Variants in RAB11A observed in about 807,000 individuals in gnomAD.
The protein encoded by RAB11A is ras-related protein Rab-11A.
A neutral mutation model predicts 28.0 loss-of-function variants in RAB11A; 9 were observed. The observed-to-expected ratio is 0.32, with a 90% confidence interval of 0.19 to 0.56. The LOEUF is 0.56. Ranked by LOEUF, RAB11A falls within the 20% of genes least tolerant of loss-of-function variation. The probability of loss-of-function intolerance (pLI) is 0.91; values close to 1 mark genes in which losing one functional copy is unlikely to be tolerated. For missense variants in RAB11A, 108 were observed against 269.6 expected (o/e 0.40, Z 4.20); for synonymous variants, 85 against 88.2 (o/e 0.96, Z 0.20).
rs1478817063 is a variant in RAB11A at position 65,879,748 on chromosome 15, A to G, written c.508A>G (p.Thr170Ala). ...NVEAAFQTIL[T>A]EIYRIVSQKQ... The stretch of plus-strand genomic sequence containing the variant: ...AGAAGCTGCTTTTCAGACAATTTTA[A>G]CAGGTAAGACTTGTATTTTCAGATT... The change falls in exon 4 of 5, where the codon ACA becomes GCA. Residue 170 changes from threonine (T) to alanine (A), a missense_variant. By Grantham distance (58) the Thr-to-Ala change is moderately conservative. Transcript: ENST00000261890. 3 of 1,562,628 alleles carry G rather than the reference A, an allele frequency of 1.9e-6. No individual in the cohort carries two copies. The highest frequency in any genetic ancestry group is 2.6e-6 in the Non-Finnish European group (3 of 1,134,344).
chr15:65,876,539 C>T (rs1373489302), intron 1 of RAB11A, among the ~76,000 whole-genome samples: 2 of 152,114 alleles, frequency 1.3e-5, no homozygotes, highest in East Asian at 1.9e-4. Context: ...TCAAGCAATC[C>T]GCCCACCTTG....
chr15:65,869,542 C>T lies in RAB11A; in HGVS notation c.-44C>T, dbSNP rs369891471. On this transcript the variant is annotated 5_prime_UTR_variant, in exon 1 of 5. Transcript: ENST00000261890. The stretch of plus-strand genomic sequence containing the variant: ...CCTGCAGCGACGCCCCCTGGTCCCA[C>T]AGATACCACTGCTGCTCCCGCCCTT... 10 of 1,603,362 alleles carry T rather than the reference C, an allele frequency of 6.2e-6. No homozygotes were observed. Among genetic ancestry groups the T allele is most frequent in the South Asian group, 2.2e-5 (2 of 90,540 alleles).
At chr15:65,885,693 C>T (rs2078252014) in intron 4 of RAB11A, among the ~76,000 whole-genome samples, 1 of 152,162 alleles carries the variant, frequency 6.6e-6, no homozygotes. Context: ...ATTTAGATTT[C>T]TCTTGTAGGA....
chr15:65,885,362 G>A lies in RAB11A; in HGVS notation c.512-2339G>A, dbSNP rs1223887582. On this transcript the variant is annotated intron_variant, in intron 4 of 4. Coordinates refer to ENST00000261890, the MANE Select transcript of RAB11A (RefSeq NM_004663.5). ...AAGATGGTCTTGATCTCCTGACCTC[G>A]TGATCCGCCCGCCTTGGACTCCTAA... Among the ~76,000 whole-genome samples the A allele has an allele frequency of 4.0e-5, 6 of 151,868 alleles. No homozygotes were observed. In the South Asian group the frequency reaches 6.2e-4, roughly 16 times the overall value.
rs2078270554 is a variant in RAB11A, at chr15:65,889,048, C to G, written c.*1208C>G. On this transcript the variant is annotated 3_prime_UTR_variant, in exon 5 of 5. Coordinates refer to ENST00000261890, the MANE Select transcript of RAB11A (RefSeq NM_004663.5). ...TCAATGAAGCAATTAGTTTCTCATT[C>G]AGAAATGTGCACACTAATATTTAGT... 1 of 152,638 alleles carries G rather than the reference C, an allele frequency of 6.6e-6. No homozygotes were observed. Among genetic ancestry groups the G allele is most frequent in the Non-Finnish European group, 1.5e-5 (1 of 68,032 alleles). 9.5% of individuals were successfully genotyped at this position (152,638 alleles called of 1,614,324 possible). A position where few individuals can be genotyped will look rare whatever the true frequency, so the allele number is the denominator to read the frequency against.
chr15:65,877,444 A>AAGCATAG lies in RAB11A; in HGVS notation c.158_159insAGAGCAT (p.Gln54GlufsTer5), dbSNP rs1280171147. ...CCATTGGAGTAGAGTTTGCAACAAGAAGCATCCAGGTTGATGGAAAAACAA... is the reference window on the plus strand; with the variant it reads ...CCATTGGAGTAGAGTTTGCAACAAGAAGCATAGAGCATCCAGGTTGATGGAAAAACAA... On this transcript the variant is annotated frameshift_variant, in exon 2 of 5. Transcript: ENST00000261890. LOFTEE classifies it high-confidence loss of function. This position sits in a 1 kb window ranked among gnomAD's most constrained non-coding sequence, Gnocchi z 4.1. The AAGCATAG allele has an allele frequency of 6.2e-7, 1 of 1,614,150 alleles. No individual in the cohort carries two copies. The highest frequency in any genetic ancestry group is 1.7e-5 in the Admixed American group (1 of 60,020).
At chr15:65,875,816 A>G (rs1339209804) in intron 1 of RAB11A, among the ~76,000 whole-genome samples, 3 of 152,214 alleles carry the variant, frequency 2.0e-5, no homozygotes, top group South Asian at 2.1e-4. Flanking sequence ...AGTTTTTACC[A>G]TTCTTTCCAC....
At chr15:65,887,093 T>G (rs537575356) in intron 4 of RAB11A, among the ~76,000 whole-genome samples, 6 of 152,308 alleles carry the variant, frequency 3.9e-5, no homozygotes, top group Admixed American at 3.9e-4. Context: ...TTGTTTGTTT[T>G]TTGGGGTAAA....
chr15:65,876,207 A>G (rs534446301), intron 1 of RAB11A, among the ~76,000 whole-genome samples: 17 of 152,350 alleles, frequency 1.1e-4, no homozygotes, highest in African/African-American at 3.8e-4. Context: ...TAGAAATCAC[A>G]GGAAGCAAAT....
intron 4 of RAB11A, among the ~76,000 whole-genome samples, chr15:65,883,074 G>A (rs1041458324): frequency 2.0e-5 from 3 of 152,108 alleles, no homozygotes; most frequent in African/African-American, 7.2e-5. Flanking sequence ...GTACTTTTCA[G>A]TGTATATTTT....
chr15:65,875,041 G>T (rs1209317269), intron 1 of RAB11A, among the ~76,000 whole-genome samples: 1 of 151,864 alleles, frequency 6.6e-6, no homozygotes, highest in Non-Finnish European at 1.5e-5. Flanking sequence ...GTGAGACCCT[G>T]TCTCAAAAAA....
At chr15:65,872,911 T>G (rs1461759251) in intron 1 of RAB11A, among the ~76,000 whole-genome samples, 1 of 152,220 alleles carries the variant, frequency 6.6e-6, no homozygotes, top group Non-Finnish European at 1.5e-5. Flanking sequence ...TTCACTGAGA[T>G]GGACTGCAGC....
At chr15:65,869,977 C>A in intron 1 of RAB11A, 1 of 216,676 alleles carries the variant, frequency 4.6e-6, no homozygotes, top group Non-Finnish European at 9.1e-6. Context: ...TGTAGCGCCC[C>A]CTCCCCCTCG....
intron 4 of RAB11A, among the ~76,000 whole-genome samples, chr15:65,886,820 A>G (rs1214397915): frequency 1.3e-5 from 2 of 152,228 alleles, no homozygotes; most frequent in Non-Finnish European, 2.9e-5. Flanking sequence ...CAGACACTAA[A>G]TTATTTTTGA....
At chr15:65,881,898 A>C (rs1488117486) in intron 4 of RAB11A, among the ~76,000 whole-genome samples, 2 of 150,386 alleles carry the variant, frequency 1.3e-5, no homozygotes, top group East Asian at 1.9e-4. Flanking sequence ...AAAAAAAAAA[A>C]AAACACAAAA....
rs145858454 is a variant in RAB11A at position 65,882,496 on chromosome 15, C to T, written c.511+2745C>T. 9.8e-3 allele frequency among the ~76,000 whole-genome samples: 1,497 copies of T among 152,308 alleles called. 15 individuals are homozygous for T. The highest frequency in any genetic ancestry group is 0.018 in the South Asian group (87 of 4,830). On this transcript the variant is annotated intron_variant, in intron 4 of 4. Transcript: ENST00000261890. Reference sequence around the variant, plus strand: ...AAATTGAGATGGAGCCCAGTCTGGTCTTGAATTCCTGAGCTCAAGCCATCT... The same window carrying T: ...AAATTGAGATGGAGCCCAGTCTGGTTTTGAATTCCTGAGCTCAAGCCATCT...
chr15:65,876,306 TA>T (rs1165915939), intron 1 of RAB11A, among the ~76,000 whole-genome samples: 9 of 152,170 alleles, frequency 5.9e-5, no homozygotes, highest in African/African-American at 2.2e-4. Flanking sequence ...TTATTTTATT[TA>T]TTTTTTTAAG....
chr15:65,875,292 AT>A (rs549907668), intron 1 of RAB11A, among the ~76,000 whole-genome samples: 9,359 of 148,076 alleles, frequency 0.063, 419 homozygotes, highest in Non-Finnish European at 0.094. Context: ...TTGTATTTAA[AT>A]TTTTTTTTTT....
Position 65,891,169 on chromosome 15 carries a change from C to T in RAB11A, c.*3329C>T, listed in dbSNP as rs2078292974. 2 of 152,198 alleles carry T rather than the reference C, an allele frequency of 1.3e-5. No individual in the cohort carries two copies. Among genetic ancestry groups the T allele is most frequent in the African/African-American group, 4.8e-5 (2 of 41,434 alleles). The allele number at this position is 152,198 out of a possible 1,614,324, so 9.4% of individuals were successfully genotyped here. ...CACTCACCTATACAATATGCCAAAT[C>T]AACTGGAGTTGTCATTCTAATGTTT... On this transcript the variant is annotated 3_prime_UTR_variant, in exon 5 of 5. Transcript: ENST00000261890.
Sources: allele counts gnomAD v4.1 joint callset (sites outside exome capture counted in the v4.1 genomes callset), GRCh38; gene constraint gnomAD v4.1.1; non-coding constraint Gnocchi (gnomAD v3.1); transcripts MANE v1.5; gene names NCBI Gene and HGNC (gene_info 2026-07-23, HGNC 2026-07-21).